Variants in KCNT2 observed in about 807,000 individuals in gnomAD.
KCNT2 encodes the protein potassium sodium-activated channel subfamily T member 2.
Under a neutral mutation model 153.8 loss-of-function variants are expected in KCNT2, and 67 were observed. The ratio of observed to expected loss-of-function variants is 0.44; its 90% CI spans 0.36 to 0.53. KCNT2 has a LOEUF of 0.53. Ranked by LOEUF, KCNT2 falls within the 20% of genes least tolerant of loss-of-function variation. The pLI, the probability that KCNT2 is intolerant of heterozygous loss-of-function variation, is 0.00. For synonymous variants in KCNT2, 500 were observed against 458.8 expected (o/e 1.09, Z -1.15); for missense variants, 975 against 1,354.8 (o/e 0.72, Z 4.40).
intron 27 of KCNT2, among the ~76,000 whole-genome samples, chr1:196,229,385 C>A (rs1292047823): frequency 6.6e-6 from 1 of 151,944 alleles, no homozygotes; most frequent in Non-Finnish European, 1.5e-5. Context: ...GCAATTTTAA[C>A]CAATAAAATA....
chr1:196,337,100 T>C (rs1291420276), intron 16 of KCNT2, among the ~76,000 whole-genome samples: 4 of 152,078 alleles, frequency 2.6e-5, no homozygotes, highest in South Asian at 4.1e-4. Flanking sequence ...GACTCTTACA[T>C]ACAACTTCCT....
At chr1:196,593,311 T>C (rs867067427) in intron 1 of KCNT2, among the ~76,000 whole-genome samples, 2,682 of 140,168 alleles carry the variant, frequency 0.019, 93 homozygotes, top group African/African-American at 0.07. Context: ...TATATATATA[T>C]ACACACACAC....
chr1:196,234,243 C>A (rs1654210920), intron 27 of KCNT2, among the ~76,000 whole-genome samples: 1 of 151,090 alleles, frequency 6.6e-6, no homozygotes, highest in Non-Finnish European at 1.5e-5. Flanking sequence ...TACATATATA[C>A]CTGGACCCAC....
chr1:196,276,581 T>TA (rs962039642), intron 25 of KCNT2, among the ~76,000 whole-genome samples: 2 of 152,038 alleles, frequency 1.3e-5, no homozygotes, highest in African/African-American at 4.8e-5. Flanking sequence ...CTGGTTTCCA[T>TA]AAAACGTCTG....
At chr1:196,540,629 T>C (rs1338671615) in intron 1 of KCNT2, among the ~76,000 whole-genome samples, 1 of 152,142 alleles carries the variant, frequency 6.6e-6, no homozygotes, top group Non-Finnish European at 1.5e-5. Flanking sequence ...ATAATGTGGC[T>C]GAATCATAGT....
In KCNT2 at chr1:196,425,915, C is replaced by T; in HGVS notation, c.1058G>A (p.Trp353Ter). The T allele has an allele frequency of 6.2e-7, 1 of 1,612,440 alleles. No homozygotes were observed. Among genetic ancestry groups the T allele is most frequent in the Non-Finnish European group, 8.5e-7 (1 of 1,178,934 alleles). The change falls in exon 11 of 28, where the codon TGG becomes TAG. Residue 353 changes from tryptophan (W) to a stop codon, truncating the protein, a stop_gained. Transcript: ENST00000294725. LOFTEE classifies it high-confidence loss of function. ...TTGAAGGTAGATAACTCGTTGGGAC[C>T]ACATTGGAATCTGCAGTACCCTTCG... The part of the protein sequence containing the change: ...QVRRVLQIPM[W>*]SQRVIYLQGS...
At chr1:196,512,005 C>T (rs576383210) in intron 1 of KCNT2, among the ~76,000 whole-genome samples, 5 of 152,120 alleles carry the variant, frequency 3.3e-5, no homozygotes, top group African/African-American at 1.2e-4. Flanking sequence ...TTTCTTTAAC[C>T]AATTCCACCT....
chr1:196,571,601 C>T (rs1206409140), intron 1 of KCNT2, among the ~76,000 whole-genome samples: 3 of 152,108 alleles, frequency 2.0e-5, no homozygotes, highest in African/African-American at 4.8e-5. Context: ...TTGTGGAACA[C>T]TTGTCTATAA....
chr1:196,378,763 T>C (rs1030531310), intron 13 of KCNT2, among the ~76,000 whole-genome samples: 2 of 147,972 alleles, frequency 1.4e-5, no homozygotes, highest in African/African-American at 4.9e-5. Flanking sequence ...ATATGTAATA[T>C]AATATCTACT....
At chr1:196,238,772 C>G (rs1302532453) in intron 26 of KCNT2, among the ~76,000 whole-genome samples, 2 of 151,774 alleles carry the variant, frequency 1.3e-5, no homozygotes, top group Non-Finnish European at 2.9e-5. Context: ...ACGGCACATG[C>G]ATACATATGT....
chr1:196,241,862 A>G (rs1257241136), intron 26 of KCNT2, among the ~76,000 whole-genome samples: 1 of 152,156 alleles, frequency 6.6e-6, no homozygotes, highest in Non-Finnish European at 1.5e-5. Flanking sequence ...TTTAAAAGAA[A>G]ACACAGATTT....
chr1:196,357,864 G>A (rs1572158016), intron 14 of KCNT2, among the ~76,000 whole-genome samples: 1 of 151,840 alleles, frequency 6.6e-6, no homozygotes, highest in Non-Finnish European at 1.5e-5. Context: ...ACTAGGCAAT[G>A]GGTAGTCTTG....
At chr1:196,273,563 CA>C in intron 25 of KCNT2, 1 of 1,024,586 alleles carries the variant, frequency 9.8e-7, no homozygotes, top group South Asian at 1.4e-5. Flanking sequence ...TGCATGCCAA[CA>C]ATCAGTAACA....
intron 14 of KCNT2, among the ~76,000 whole-genome samples, chr1:196,349,625 C>T (rs556009807): frequency 6.6e-6 from 1 of 152,178 alleles, no homozygotes; most frequent in East Asian, 1.9e-4. Flanking sequence ...CTTCAGCTGC[C>T]TCACTTTGTG....
chr1:196,425,555 A>G (rs908405092), intron 11 of KCNT2, among the ~76,000 whole-genome samples: 1 of 151,966 alleles, frequency 6.6e-6, no homozygotes, highest in Admixed American at 6.6e-5. Context: ...TACCTCAGTG[A>G]ATCTCTGACA....
intron 26 of KCNT2, among the ~76,000 whole-genome samples, chr1:196,244,548 G>A (rs1207719185): frequency 6.6e-6 from 1 of 152,150 alleles, no homozygotes; most frequent in Admixed American, 6.5e-5. Context: ...AATGAACATT[G>A]ACGGTAGCCA....
chr1:196,236,049 C>T lies in KCNT2; in HGVS notation c.3233G>A (p.Ser1078Asn), dbSNP rs953100449. Residue 1078 changes from serine (S) to asparagine (N), a missense_variant, in exon 27 of 28, where the codon AGT (serine) becomes AAT (asparagine). Coordinates refer to ENST00000294725, the MANE Select transcript of KCNT2 (RefSeq NM_198503.5). Reference protein sequence around the residue: ...VGYDEMNDHQSTLSYILINPS... With the variant: ...VGYDEMNDHQNTLSYILINPS... The stretch of plus-strand genomic sequence containing the variant: ...GTTAATCAGGATGTAGGAGAGGGTA[C>T]TTTGATGATCATTCATTTCATCTAG... The T allele has an allele frequency of 5.6e-6, 9 of 1,594,836 alleles. No homozygotes were observed. The African/African-American group carries it at 9.4e-5, about 17-fold the overall frequency.
chr1:196,285,465 T>C (rs1046745394), intron 23 of KCNT2, among the ~76,000 whole-genome samples, 192 bp downstream of exon 23: 2 of 152,158 alleles, frequency 1.3e-5, no homozygotes, highest in African/African-American at 2.4e-5. Context: ...TTTTTAAAAA[T>C]AGTATTTTTC....
At chr1:196,425,695 T>A (rs1275945342) in intron 11 of KCNT2, among the ~76,000 whole-genome samples, 157 bp downstream of exon 11, 1 of 151,988 alleles carries the variant, frequency 6.6e-6, no homozygotes, top group Non-Finnish European at 1.5e-5. Flanking sequence ...ATTTTTGACC[T>A]TTTAGTTTGG....
Sources: gnomAD v4.1 joint callset for allele counts (sites outside exome capture counted in the v4.1 genomes callset) on GRCh38, gnomAD v4.1.1 for gene constraint, MANE v1.5 for transcripts, NCBI Gene and HGNC (gene_info 2026-07-23, HGNC 2026-07-21) for gene names.